Variants in ZZEF1 observed in about 807,000 individuals in gnomAD.
The protein encoded by ZZEF1 is zinc finger ZZ-type and EF-hand domain-containing protein 1.
In ZZEF1, 157 loss-of-function variants were observed where a neutral mutation model predicts 342.8. The observed-to-expected ratio is 0.46, with a 90% CI of 0.40 to 0.52. The LOEUF is 0.52. ZZEF1 is among the 20% of genes least tolerant of loss of function. The pLI, the probability that ZZEF1 is intolerant of heterozygous loss-of-function variation, is 0.00. For synonymous variants in ZZEF1, 1,505 were observed against 1,429.1 expected (o/e 1.05, Z -1.20); for missense variants, 3,480 against 3,725.6 (o/e 0.93, Z 1.72).
At chr17:4,084,129 G>A (rs1036105543) in intron 16 of ZZEF1, among the ~76,000 whole-genome samples, 2 of 152,146 alleles carry the variant, frequency 1.3e-5, no homozygotes, top group African/African-American at 4.8e-5. Flanking sequence ...ATTTTGAGAG[G>A]AATGCTTCTA....
intron 2 of ZZEF1, among the ~76,000 whole-genome samples, chr17:4,119,912 T>C (rs1360861440): frequency 6.6e-6 from 1 of 152,210 alleles, no homozygotes; most frequent in East Asian, 1.9e-4. Context: ...GTGCATTTAT[T>C]CTGCACAACT....
intron 9 of ZZEF1, among the ~76,000 whole-genome samples, chr17:4,100,572 G>A (rs958362419): frequency 1.1e-4 from 16 of 152,306 alleles, no homozygotes; most frequent in South Asian, 2.1e-4. Flanking sequence ...AGAAATGCCC[G>A]TGAACAATGT....
intron 42 of ZZEF1, among the ~76,000 whole-genome samples, chr17:4,027,285 A>ATTTTTTTT: frequency 1.9e-5 from 1 of 53,264 alleles, no homozygotes; most frequent in South Asian, 5.0e-4. Flanking sequence ...GCAATATCTC[A>ATTTTTTTT]CTTTTTTTTT....
At chr17:4,033,120 T>A in intron 40 of ZZEF1, 118 bp from the exon 41 acceptor site, 1 of 950,186 alleles carries the variant, frequency 1.1e-6, no homozygotes, top group Non-Finnish European at 1.5e-6. Flanking sequence ...TTAACTAGCT[T>A]AAAAACTACC....
intron 34 of ZZEF1, among the ~76,000 whole-genome samples, chr17:4,053,301 G>C (rs997134417): frequency 6.6e-6 from 1 of 152,196 alleles, no homozygotes; most frequent in African/African-American, 2.4e-5. Flanking sequence ...AAACATTTCA[G>C]CATGGCCATC....
intron 37 of ZZEF1, among the ~76,000 whole-genome samples, 188 bp downstream of exon 37, chr17:4,049,520 C>G (rs936116643): frequency 1.3e-5 from 2 of 152,076 alleles, no homozygotes; most frequent in African/African-American, 4.8e-5. Flanking sequence ...CAAAACAAAA[C>G]AAAAGAAAAT....
chr17:4,075,029 C>G, intron 23 of ZZEF1, 68 bp downstream of exon 23: 1 of 1,527,152 alleles, frequency 6.5e-7, no homozygotes, highest in South Asian at 1.1e-5. Context: ...TCTACTGCCC[C>G]CTGAAGGCTG....
intron 5 of ZZEF1, 99 bp from the exon 6 acceptor site, chr17:4,109,962 G>T (rs891026325): frequency 8.2e-6 from 9 of 1,092,812 alleles, no homozygotes; most frequent in Non-Finnish European, 1.1e-5. Flanking sequence ...ATTTTGAAAA[G>T]AAAATTCTGA....
intron 27 of ZZEF1, 144 bp from the exon 28 acceptor site, chr17:4,066,684 A>C (rs2057405557): frequency 1.4e-6 from 1 of 706,660 alleles, no homozygotes; most frequent in East Asian, 2.5e-5. Context: ...TAATACTCAC[A>C]ACCTTATTAC....
At position 4,014,437 on chromosome 17, in the gene ZZEF1, C is replaced by T. The variant is rs2056047788; in HGVS notation, c.8224G>A (p.Glu2742Lys). The T allele has an allele frequency of 3.1e-6, 5 of 1,614,092 alleles. No individual in the cohort carries two copies. The highest frequency in any genetic ancestry group is 2.2e-5 in the East Asian group (1 of 44,904). Reference sequence around the variant, plus strand: ...TCACTGCTGCTGGACATGGCTAACTCGTCACAGCCCTCCTCTGTGTTGCAC... The same window carrying T: ...TCACTGCTGCTGGACATGGCTAACTTGTCACAGCCCTCCTCTGTGTTGCAC... The part of the protein sequence containing the change: ...SQCNTEEGCD[E>K]LAMSSSSDFQ... Residue 2742 changes from glutamate to lysine, a missense_variant, in exon 50 of 55, where the codon GAG becomes AAG. This residue lies in a region of ZZEF1 where 1,269 missense variants were observed against 1,342.4 expected (regional missense o/e 0.95). Coordinates refer to ENST00000381638, the MANE Select transcript of ZZEF1 (RefSeq NM_015113.4). This position sits in a 1 kb window ranked among gnomAD's most constrained non-coding sequence, Gnocchi z 4.4.
At position 4,006,738 on chromosome 17, in the gene ZZEF1, T is replaced by C. The variant is rs1252218569; in HGVS notation, c.*152A>G. On this transcript the variant is annotated 3_prime_UTR_variant, in exon 55 of 55. Transcript: ENST00000381638. ...GTGTCCAGCCTACGCACGGGAGCTC[T>C]TGGAGACGTGGCTGCTTGGCATCCT... 1.3e-6 allele frequency: 1 copy of C among 775,684 alleles called. No homozygotes were observed. Among genetic ancestry groups the C allele is most frequent in the African/African-American group, 1.7e-5 (1 of 58,534 alleles). The allele number at this position is 775,684 out of a possible 1,614,324, so 48.1% of individuals were successfully genotyped here. A position where few individuals can be genotyped will look rare whatever the true frequency, so the allele number is the denominator to read the frequency against.
intron 51 of ZZEF1, among the ~76,000 whole-genome samples, chr17:4,013,884 T>G (rs935425327): frequency 5.3e-5 from 8 of 152,200 alleles, no homozygotes; most frequent in African/African-American, 1.9e-4. Flanking sequence ...ACAGAATGCT[T>G]CTCATAGCTG....
chr17:4,117,648 C>CAAAAAAAAAAAAAAAAAAAAAAAAAA (rs61155656), intron 2 of ZZEF1, among the ~76,000 whole-genome samples: 1 of 89,050 alleles, frequency 1.1e-5, no homozygotes. Flanking sequence ...AACTCCACCT[C>CAAAAAAAAAAAAAAAAAAAAAAAAAA]AAAAAAAAAA....
intron 29 of ZZEF1, 152 bp from the exon 30 acceptor site, chr17:4,063,069 C>T (rs2057318361): frequency 1.4e-6 from 1 of 724,174 alleles, no homozygotes; most frequent in Admixed American, 3.3e-5. Context: ...ACCAATACCT[C>T]TTTACTATTT....
intron 30 of ZZEF1, 135 bp from the exon 31 acceptor site, chr17:4,059,425 A>C: frequency 2.8e-6 from 3 of 1,073,644 alleles, no homozygotes; most frequent in East Asian, 2.7e-5. Flanking sequence ...AAGTAAATAC[A>C]AATATAATAC....
At chr17:4,034,362 T>C in intron 39 of ZZEF1, 70 bp from the exon 40 acceptor site, 1 of 1,526,712 alleles carries the variant, frequency 6.6e-7, no homozygotes. Flanking sequence ...ATATTATATC[T>C]CCCTCCTACC....
At chr17:4,081,238 A>AAAC (rs199601471) in intron 18 of ZZEF1, 138 bp downstream of exon 18, 16 of 740,798 alleles carry the variant, frequency 2.2e-5, no homozygotes, top group South Asian at 1.0e-4. Context: ...CCCTATCTCA[A>AAAC]AACAACAACA....
chr17:4,077,085 G>T, intron 19 of ZZEF1, 96 bp from the exon 20 acceptor site: 1 of 1,235,092 alleles, frequency 8.1e-7, no homozygotes, highest in East Asian at 2.8e-5. Flanking sequence ...TCCAGAAGCT[G>T]CAGAGGGGGT....
At chr17:4,096,149 C>T (rs2058029472) in intron 10 of ZZEF1, among the ~76,000 whole-genome samples, 170 bp from the exon 11 acceptor site, 2 of 152,160 alleles carry the variant, frequency 1.3e-5, no homozygotes, top group African/African-American at 4.8e-5. Context: ...AAGAAATGTT[C>T]CTTAACTTTC....
Sources: gnomAD v4.1 joint callset for allele counts (sites outside exome capture counted in the v4.1 genomes callset) on GRCh38, gnomAD v4.1.1 for gene constraint, gnomAD v4.1.1 regional missense constraint, Gnocchi (gnomAD v3.1) non-coding constraint, MANE v1.5 for transcripts, NCBI Gene and HGNC (gene_info 2026-07-23, HGNC 2026-07-21) for gene names.